The following MEI4 variants were observed in gnomAD, a reference collection of about 807,000 sequenced individuals.
The protein encoded by MEI4 is meiosis-specific protein MEI4.
In MEI4, 27 loss-of-function variants were observed where a neutral mutation model predicts 31.4. The observed-to-expected ratio is 0.86, with a 90% CI of 0.63 to 1.19. MEI4 has a LOEUF of 1.19. Ranked by LOEUF, MEI4 falls within the 50% of genes most tolerant of loss-of-function variation. MEI4 has a pLI of 0.00. For synonymous variants in MEI4, 122 were observed against 145.4 expected (o/e 0.84, Z 1.16); for missense variants, 329 against 398.9 (o/e 0.82, Z 1.49).
chr6:77,876,418 T>A (rs1398236863), intron 4 of MEI4, among the ~76,000 whole-genome samples: 2 of 152,118 alleles, frequency 1.3e-5, no homozygotes, highest in Non-Finnish European at 2.9e-5. Context: ...CTGTGTTCAT[T>A]TACCATGTGA....
Position 77,925,881 on chromosome 6 carries a change from T to C in MEI4, c.*2535T>C, listed in dbSNP as rs915416767. 1 of 150,474 alleles carries C rather than the reference T, an allele frequency of 6.6e-6. No homozygotes were observed. The highest frequency in any genetic ancestry group is 1.5e-5 in the Non-Finnish European group (1 of 67,624). The allele number at this position is 150,474 out of a possible 1,614,324, so 9.3% of individuals were successfully genotyped here. A position where few individuals can be genotyped will look rare whatever the true frequency, so the allele number is the denominator to read the frequency against. On this transcript the variant is annotated 3_prime_UTR_variant, in exon 5 of 5. Transcript: ENST00000684080. ...ATATATATACGATATGTATAATAAATACCAAATAGCCAGGTACTTACCTAA... is the reference window on the plus strand; with the variant it reads ...ATATATATACGATATGTATAATAAACACCAAATAGCCAGGTACTTACCTAA...
At chr6:77,853,870 A>T (rs1232899273) in intron 4 of MEI4, among the ~76,000 whole-genome samples, 1 of 152,184 alleles carries the variant, frequency 6.6e-6, no homozygotes, top group Non-Finnish European at 1.5e-5. Flanking sequence ...ACAACATTCC[A>T]CTAGAATAGT....
chr6:77,682,645 C>G (rs1768980365), intron 1 of MEI4, among the ~76,000 whole-genome samples: 1 of 151,982 alleles, frequency 6.6e-6, no homozygotes, highest in Non-Finnish European at 1.5e-5. Context: ...GCCAAGTAGC[C>G]CTGTGATTGT....
chr6:77,840,888 A>G (rs557141053), intron 4 of MEI4, among the ~76,000 whole-genome samples: 99 of 152,348 alleles, frequency 6.5e-4, no homozygotes, highest in Non-Finnish European at 1.1e-3. Context: ...TAAAAGCAAT[A>G]AACTGTCAAC....
At chr6:77,794,521 C>T (rs1300997471) in intron 3 of MEI4, among the ~76,000 whole-genome samples, 1 of 152,146 alleles carries the variant, frequency 6.6e-6, no homozygotes, top group East Asian at 1.9e-4. Flanking sequence ...CGGACGGCGC[C>T]ACTGCACTCC....
chr6:77,843,079 A>T (rs1256103872), intron 4 of MEI4, among the ~76,000 whole-genome samples: 2 of 97,662 alleles, frequency 2.0e-5, no homozygotes, highest in Non-Finnish European at 3.9e-5. Flanking sequence ...TGAGGCCAGG[A>T]TTACTATTAT....
chr6:77,783,391 C>T (rs1768645004), intron 3 of MEI4, among the ~76,000 whole-genome samples: 1 of 152,126 alleles, frequency 6.6e-6, no homozygotes, highest in Admixed American at 6.6e-5. Context: ...ATTTTATTTC[C>T]ATGGATCTTA....
chr6:77,773,619 G>GCC (rs1768369168), intron 3 of MEI4, among the ~76,000 whole-genome samples: 1 of 152,028 alleles, frequency 6.6e-6, no homozygotes, highest in Non-Finnish European at 1.5e-5. Flanking sequence ...AAGGTTTCTT[G>GCC]AGTAATACCT....
chr6:77,706,319 G>A (rs1345967523), intron 2 of MEI4, among the ~76,000 whole-genome samples: 1 of 152,132 alleles, frequency 6.6e-6, no homozygotes, highest in Non-Finnish European at 1.5e-5. Context: ...AGGAATGAGT[G>A]CCACACAGAG....
At chr6:77,667,976 A>G (rs1335985065) in intron 1 of MEI4, among the ~76,000 whole-genome samples, 4 of 151,186 alleles carry the variant, frequency 2.6e-5, no homozygotes, top group Non-Finnish European at 5.9e-5. Flanking sequence ...AAAAAGGCTT[A>G]TAATTTGTTT....
chr6:77,743,172 A>C (rs888756202), intron 2 of MEI4, among the ~76,000 whole-genome samples: 2 of 152,136 alleles, frequency 1.3e-5, no homozygotes, highest in African/African-American at 4.8e-5. Flanking sequence ...TCATTGGTAG[A>C]TTGATGGGGA....
intron 1 of MEI4, among the ~76,000 whole-genome samples, chr6:77,671,778 C>T (rs1168037309): frequency 6.6e-6 from 1 of 152,048 alleles, no homozygotes; most frequent in East Asian, 1.9e-4. Context: ...ATGAACAGGG[C>T]AGGGGAGGCA....
intron 2 of MEI4, among the ~76,000 whole-genome samples, chr6:77,734,315 A>T (rs1004180935): frequency 3.3e-5 from 5 of 151,990 alleles, no homozygotes; most frequent in Admixed American, 2.0e-4. Flanking sequence ...GTGCTCCTGT[A>T]TTGGGATATA....
chr6:77,749,727 T>G (rs1035518389), intron 2 of MEI4, among the ~76,000 whole-genome samples: 12 of 152,064 alleles, frequency 7.9e-5, no homozygotes, highest in African/African-American at 2.9e-4. Flanking sequence ...TTCCCCAAAC[T>G]AGCAAGGCAG....
At chr6:77,784,279 A>G (rs1768673169) in intron 3 of MEI4, among the ~76,000 whole-genome samples, 1 of 152,184 alleles carries the variant, frequency 6.6e-6, no homozygotes, top group Non-Finnish European at 1.5e-5. Flanking sequence ...ATGATTTAAT[A>G]TGGGTACTAC....
chr6:77,877,069 C>A (rs1428609959), intron 4 of MEI4, among the ~76,000 whole-genome samples: 1 of 151,978 alleles, frequency 6.6e-6, no homozygotes, highest in African/African-American at 2.4e-5. Flanking sequence ...TAATGTGCAA[C>A]ATTTAAGAAA....
chr6:77,887,624 C>T (rs1251245897), intron 4 of MEI4, among the ~76,000 whole-genome samples: 1 of 152,118 alleles, frequency 6.6e-6, no homozygotes, highest in Non-Finnish European at 1.5e-5. Flanking sequence ...AGTTTTATTA[C>T]ATTGTGGTCT....
At chr6:77,850,032 G>A (rs949007048) in intron 4 of MEI4, among the ~76,000 whole-genome samples, 1 of 152,172 alleles carries the variant, frequency 6.6e-6, no homozygotes, top group African/African-American at 2.4e-5. Context: ...AGTTAGGCAT[G>A]TGAGAGGATA....
chr6:77,650,493 G>T (rs773227023), upstream of MEI4, among the ~76,000 whole-genome samples: 3 of 152,178 alleles, frequency 2.0e-5, no homozygotes, highest in Non-Finnish European at 4.4e-5. Flanking sequence ...GTGGAACCCC[G>T]CCCCTGGGGA....
Sources: allele counts gnomAD v4.1 joint callset (sites outside exome capture counted in the v4.1 genomes callset), GRCh38; gene constraint gnomAD v4.1.1; transcripts MANE v1.5; gene names NCBI Gene and HGNC (gene_info 2026-07-23, HGNC 2026-07-21).